Variants in PRR14L observed in about 807,000 individuals in gnomAD.
The protein encoded by PRR14L is protein PRR14L.
PRR14L carries 80 observed loss-of-function variants against 155.0 expected under a neutral mutation model. The observed-to-expected ratio is 0.52, with a 90% CI of 0.43 to 0.62. The LOEUF is 0.62. PRR14L is among the 20% of genes least tolerant of loss of function. The pLI, the probability that PRR14L is intolerant of heterozygous loss-of-function variation, is 0.00. For missense variants in PRR14L, 2,469 were observed against 2,548.0 expected, an observed-to-expected ratio of 0.97 and a Z score of 0.67; for synonymous variants, 883 against 916.0, an observed-to-expected ratio of 0.96 and a Z score of 0.65.
intron 7 of PRR14L, among the ~76,000 whole-genome samples, chr22:31,699,605 T>A (rs2074553135): frequency 6.6e-6 from 1 of 152,228 alleles, no homozygotes; most frequent in South Asian, 2.1e-4. Context: ...GAAGAGATAG[T>A]CAACCTGCAT....
Position 31,715,221 on chromosome 22 carries a change from C to A in PRR14L, c.2618G>T (p.Arg873Ile). Residue 873 changes from arginine to isoleucine, a missense_variant, in exon 4 of 9, where the codon AGA becomes ATA. By Grantham distance (97) the Arg-to-Ile change is moderately conservative. Coordinates refer to ENST00000327423, the MANE Select transcript of PRR14L (RefSeq NM_173566.3). ...TNGSLPGDKI[R>I]NKMVAGLLNS... ...TAACAAGCCTGCTACCATTTTGTTT[C>A]TGATCTTATCTCCTGGAAGGCTGCC... 6.4e-7 allele frequency: 1 copy of A among 1,552,268 alleles called. No homozygotes were observed.
intron 4 of PRR14L, among the ~76,000 whole-genome samples, chr22:31,711,776 C>CAAAAAA (rs757790329): frequency 1.1e-3 from 54 of 48,690 alleles, no homozygotes; most frequent in Non-Finnish European, 1.5e-3. Context: ...AAGAGTTAAT[C>CAAAAAA]AAAAAAAAAA....
rs1327075980 is a variant in PRR14L at position 31,741,243 on chromosome 22, GCT to G, written c.-51-2334_-51-2333del. On this transcript the variant is annotated intron_variant, in intron 1 of 8. Coordinates refer to ENST00000327423, the MANE Select transcript of PRR14L (RefSeq NM_173566.3). ...ACTCCAGCCTGAGTGACAGAGCGAG[GCT>G]CTGTCTCAAAAAAAAAAAAAAAAAA... 2.6e-5 allele frequency among the ~76,000 whole-genome samples: 3 copies of G among 114,578 alleles called. No homozygotes were observed. The Admixed American group carries it at 3.1e-4, about 12-fold the overall frequency. The allele number at this position is 114,578 out of a possible 152,430, so 75.2% of individuals were successfully genotyped here.
chr22:31,712,387 G>A lies in PRR14L; in HGVS notation c.5452C>T (p.Leu1818Phe), dbSNP rs1479400808. 2 of 1,605,556 alleles carry A rather than the reference G, an allele frequency of 1.2e-6. No homozygotes were observed. The highest frequency in any genetic ancestry group is 2.7e-5 in the African/African-American group (2 of 74,730). ...AGTGCTAGAAGTGTGTGAAGGCCAAGGACAGAGCAGTCTGCTCTGGTCTGG... is the reference window on the plus strand; with the variant it reads ...AGTGCTAGAAGTGTGTGAAGGCCAAAGACAGAGCAGTCTGCTCTGGTCTGG... ...IVQTRADCSV[L>F]GLHTLLALCS... The change falls in exon 4 of 9, where the codon CTT (leucine) becomes TTT (phenylalanine). Residue 1818 changes from leucine to phenylalanine, a missense_variant. Leu to Phe is a conservative substitution (Grantham distance 22, BLOSUM62 0). Transcript: ENST00000327423.
intron 4 of PRR14L, among the ~76,000 whole-genome samples, chr22:31,708,914 A>C (rs189174659): frequency 6.6e-6 from 1 of 150,756 alleles, no homozygotes; most frequent in African/African-American, 2.4e-5. Context: ...ACAACCTCCA[A>C]CTCCTGGGTT....
rs1230019891 is a variant in PRR14L, at chr22:31,715,894, C to T, written c.1945G>A (p.Glu649Lys). 1.9e-6 allele frequency: 3 copies of T among 1,551,562 alleles called. No homozygotes were observed. Among genetic ancestry groups the T allele is most frequent in the Non-Finnish European group, 2.6e-6 (3 of 1,146,834 alleles). ...NELVVNKVES[E>K]CVLNQQVSLN... is the part of the protein sequence containing the mutation. Reference sequence around the variant, plus strand: ...GACACTTGTTGATTTAAAACACATTCACTTTCTACTTTGTTTACAACCAGT... The same window carrying T: ...GACACTTGTTGATTTAAAACACATTTACTTTCTACTTTGTTTACAACCAGT... Residue 649 changes from glutamate (E) to lysine (K), a missense_variant, in exon 4 of 9, where the codon GAA becomes AAA. Glu to Lys is a moderately conservative substitution (Grantham distance 56). Transcript: ENST00000327423.
rs1004743755 is a variant in PRR14L at position 31,749,481 on chromosome 22, G to A, written c.-52+512C>T. ...AGGTAAGTCTCTTTCTTACTGGGAA[G>A]AAAGATCCCCTCTGTCACTTTCAGG... On this transcript the variant is annotated intron_variant, in intron 1 of 8. Transcript: ENST00000327423. 2.0e-5 allele frequency among the ~76,000 whole-genome samples: 3 copies of A among 152,184 alleles called. No individual in the cohort carries two copies. The East Asian group carries it at 5.8e-4, about 29-fold the overall frequency.
rs1340933741 is a variant in PRR14L at position 31,712,928 on chromosome 22, G to A, written c.4911C>T (p.Tyr1637=). 1.1e-5 allele frequency: 17 copies of A among 1,551,756 alleles called. No individual in the cohort carries two copies. The highest frequency in any genetic ancestry group is 2.7e-5 in the African/African-American group (2 of 73,050). ...GAAGAAGTTCAGAGGAACACCGTCGGTATCTTAGCTTCTGAGTCTTCATGG... is the reference window on the plus strand; with the variant it reads ...GAAGAAGTTCAGAGGAACACCGTCGATATCTTAGCTTCTGAGTCTTCATGG... ...APAMKTQKLR[Y]RRCSSELLPM... The change falls in exon 4 of 9, where the codon TAC becomes TAT. Residue 1637 remains tyrosine, a synonymous_variant. Coordinates refer to ENST00000327423, the MANE Select transcript of PRR14L (RefSeq NM_173566.3).
At chr22:31,686,807 G>C (rs1407091435) in intron 8 of PRR14L, among the ~76,000 whole-genome samples, 1 of 152,106 alleles carries the variant, frequency 6.6e-6, no homozygotes, top group African/African-American at 2.4e-5. Flanking sequence ...TTGTACAAAT[G>C]TGTTAGAGCA....
Position 31,716,456 on chromosome 22 carries a change from G to C in PRR14L, c.1383C>G (p.Pro461=). 6.4e-7 allele frequency: 1 copy of C among 1,550,674 alleles called. No individual in the cohort carries two copies. Among genetic ancestry groups the C allele is most frequent in the Non-Finnish European group, 8.7e-7 (1 of 1,146,428 alleles). ...CTTCTGTGGCTTCAGTAAAAGAATT[G>C]GGCATTAAAGAACTAGAGTTCCCTG... The part of the protein sequence containing the change: ...LHTGNSSSLM[P]NSFTEATEVM... Residue 461 remains proline, a synonymous_variant, in exon 4 of 9, where the codon CCC becomes CCG. Transcript: ENST00000327423.
In PRR14L at chr22:31,716,745, T is replaced by C; in HGVS notation, c.1094A>G (p.Glu365Gly). The change falls in exon 4 of 9, where the codon GAA becomes GGA. Residue 365 changes from glutamate to glycine, a missense_variant. Physicochemically the swap from Glu to Gly is moderately conservative, Grantham distance 98. Around this residue, in one of 2 missense-constraint regions of PRR14L, gnomAD observed 2,363 missense variants for 2,371.6 expected, o/e 1.00. Coordinates refer to ENST00000327423, the MANE Select transcript of PRR14L (RefSeq NM_173566.3). ...AGATCTCTTTAGCAAACCACCACCTTCAAAACCACAGTTTTCTAAGGATAT... is the reference window on the plus strand; with the variant it reads ...AGATCTCTTTAGCAAACCACCACCTCCAAAACCACAGTTTTCTAAGGATAT... ...RTISLENCGF[E>G]GGGLLKRSAE... The C allele has an allele frequency of 6.4e-7, 1 of 1,551,840 alleles. No individual in the cohort carries two copies. Among genetic ancestry groups the C allele is most frequent in the Non-Finnish European group, 8.7e-7 (1 of 1,147,024 alleles).
chr22:31,687,514 C>T (rs1368203016), intron 8 of PRR14L, among the ~76,000 whole-genome samples: 10 of 150,902 alleles, frequency 6.6e-5, no homozygotes, highest in East Asian at 2.0e-4. Context: ...CCACCATGCC[C>T]GGCTAATTTT....
rs1356873031 is a variant in PRR14L, at chr22:31,701,685, A to C, written c.6078T>G (p.Leu2026=). 1 of 1,613,522 alleles carries C rather than the reference A, an allele frequency of 6.2e-7. No homozygotes were observed. Among genetic ancestry groups the C allele is most frequent in the Non-Finnish European group, 8.5e-7 (1 of 1,179,742 alleles). ...RKTIPRPDPN[L]TPMGLPRPKR... ...TGGGTCGAGGAAGGCCCATGGGGGT[A>C]AGATTAGGATCTGGCCTAGGAATGG... Residue 2026 remains leucine, a synonymous_variant, in exon 7 of 9, where the codon CTT becomes CTG. Coordinates refer to ENST00000327423, the MANE Select transcript of PRR14L (RefSeq NM_173566.3).
intron 7 of PRR14L, among the ~76,000 whole-genome samples, chr22:31,700,340 C>G (rs781126626): frequency 2.0e-5 from 3 of 152,010 alleles, no homozygotes; most frequent in Non-Finnish European, 4.4e-5. Flanking sequence ...TAAATACTAC[C>G]CGATCTCGGA....
At position 31,712,924 on chromosome 22, in the gene PRR14L, G is replaced by T; in HGVS notation, c.4915C>A (p.Arg1639=). 6.4e-7 allele frequency: 1 copy of T among 1,551,872 alleles called. No homozygotes were observed. Among genetic ancestry groups the T allele is most frequent in the Non-Finnish European group, 8.7e-7 (1 of 1,147,032 alleles). ...ATTGGAAGAAGTTCAGAGGAACACC[G>T]TCGGTATCTTAGCTTCTGAGTCTTC... ...AMKTQKLRYR[R]CSSELLPMAK... is the part of the protein sequence containing the mutation. Residue 1639 remains arginine, a synonymous_variant, in exon 4 of 9, where the codon CGG becomes AGG. Coordinates refer to ENST00000327423, the MANE Select transcript of PRR14L (RefSeq NM_173566.3).
intron 1 of PRR14L, among the ~76,000 whole-genome samples, chr22:31,746,430 G>T (rs1372107501): frequency 6.6e-6 from 1 of 152,134 alleles, no homozygotes; most frequent in Non-Finnish European, 1.5e-5. Flanking sequence ...GAAGTAAAAG[G>T]GAAGAGTGAG....
In PRR14L at chr22:31,738,853, G is replaced by A; in HGVS notation, c.8C>T (p.Ser3Leu). ...AACTGGCTGAGTCTCTACTCCAGAT[G>A]ACAGCATTAGGACAGATGCAGATTA... Reference protein sequence around the residue: MLSSGVETQPVPL... With the variant: MLLSGVETQPVPL... The change falls in exon 2 of 9, where the codon TCA becomes TTA. Residue 3 changes from serine to leucine, a missense_variant. This residue lies in a region of PRR14L where 2,363 missense variants were observed against 2,371.6 expected (regional missense o/e 1.00). Transcript: ENST00000327423. 4 of 1,536,600 alleles carry A rather than the reference G, an allele frequency of 2.6e-6. No homozygotes were observed. Among genetic ancestry groups the A allele is most frequent in the South Asian group, 1.2e-5 (1 of 83,852 alleles).
rs1339168996 is a variant in PRR14L at position 31,689,150 on chromosome 22, C to A, written c.6108-923G>T. Among the ~76,000 whole-genome samples, 7 of 152,172 alleles carry A rather than the reference C, an allele frequency of 4.6e-5. 1 individual carries two copies. The South Asian group carries it at 1.5e-3, about 32-fold the overall frequency. On this transcript the variant is annotated intron_variant, in intron 7 of 8. Coordinates refer to ENST00000327423, the MANE Select transcript of PRR14L (RefSeq NM_173566.3). ...GTTTTAATCTATTGAACTTATTATT[C>A]TTTTGAGTCTCATCTGTGGCCAGAG...
Position 31,714,687 on chromosome 22 carries a change from C to A in PRR14L, c.3152G>T (p.Gly1051Val), listed in dbSNP as rs182090439. The A allele has an allele frequency of 1.1e-4, 171 of 1,552,344 alleles. No individual in the cohort carries two copies. The East Asian group carries it at 3.5e-3, about 32-fold the overall frequency. ...KMSGCDESTE[G>V]MVDIVYTDCS... Reference sequence around the variant, plus strand: ...GTCCGTGTAGACGATGTCTACCATACCTTCTGTGGACTCATCACAACCAGA... The same window carrying A: ...GTCCGTGTAGACGATGTCTACCATAACTTCTGTGGACTCATCACAACCAGA... Residue 1051 changes from glycine to valine, a missense_variant, in exon 4 of 9, where the codon GGT (glycine) becomes GTT (valine). Physicochemically the swap from Gly to Val is moderately radical, Grantham distance 109. Coordinates refer to ENST00000327423, the MANE Select transcript of PRR14L (RefSeq NM_173566.3).
Sources: allele counts gnomAD v4.1 joint callset (sites outside exome capture counted in the v4.1 genomes callset), GRCh38; gene constraint gnomAD v4.1.1; regional missense constraint gnomAD v4.1.1; transcripts MANE v1.5; gene names NCBI Gene and HGNC (gene_info 2026-07-23, HGNC 2026-07-21).